The following RPH3A variants were observed in gnomAD, a reference collection of about 807,000 sequenced individuals.
The protein encoded by RPH3A is rabphilin 3A.
Under a neutral mutation model 102.2 loss-of-function variants are expected in RPH3A, and 48 were observed. The ratio of observed to expected loss-of-function variants is 0.47; its 90% confidence interval spans 0.37 to 0.60. RPH3A has a LOEUF of 0.60. Among genes scored for constraint, RPH3A ranks in the 20% least tolerant of loss-of-function variants. The probability of loss-of-function intolerance (pLI) is 0.00; values close to 1 mark genes in which losing one functional copy is unlikely to be tolerated. For missense variants in RPH3A, 781 were observed against 910.1 expected, an observed-to-expected ratio of 0.86 and a Z score of 1.83; for synonymous variants, 310 against 324.3, an observed-to-expected ratio of 0.96 and a Z score of 0.47.
intron 5 of RPH3A, among the ~76,000 whole-genome samples, chr12:112,851,812 T>TAA (rs1206648532): frequency 6.6e-6 from 1 of 152,182 alleles, no homozygotes; most frequent in Admixed American, 6.5e-5. Context: ...ATTTCTTATA[T>TAA]AAGTGCCAAG....
chr12:112,634,023 C>G (rs551239949), intron 1 of RPH3A, among the ~76,000 whole-genome samples: 15 of 152,274 alleles, frequency 9.9e-5, no homozygotes, highest in Middle Eastern at 3.4e-3. Context: ...TCAGGGGTGA[C>G]AGTGATGCTC....
intron 2 of RPH3A, among the ~76,000 whole-genome samples, chr12:112,810,785 T>C (rs538804176): frequency 1.2e-4 from 19 of 152,196 alleles, no homozygotes; most frequent in South Asian, 2.1e-4. Context: ...ACAGCCTAAA[T>C]TACTAACATC....
chr12:112,606,879 C>A (rs1156518882), intron 1 of RPH3A, among the ~76,000 whole-genome samples: 1 of 152,198 alleles, frequency 6.6e-6, no homozygotes, highest in East Asian at 1.9e-4. Context: ...CAGGCCCCTC[C>A]TCCAATGTTG....
chr12:112,885,594 A>C (rs1055524775), intron 16 of RPH3A, among the ~76,000 whole-genome samples: 2 of 152,156 alleles, frequency 1.3e-5, no homozygotes, highest in African/African-American at 4.8e-5. Flanking sequence ...ATATATTTCT[A>C]ATTTTTTGAG....
In RPH3A at chr12:112,712,913, TTCTTCTTCTTCC is replaced by T. The variant is rs1324704450; in HGVS notation, c.-139-79218_-139-79207del. Among the ~76,000 whole-genome samples the T allele has an allele frequency of 5.9e-3, 641 of 107,790 alleles. 24 individuals carry two copies. The highest frequency in any genetic ancestry group is 0.022 in the African/African-American group (563 of 25,268). The allele number at this position is 107,790 out of a possible 152,430, so 70.7% of individuals were successfully genotyped here. A position where few individuals can be genotyped will look rare whatever the true frequency, so the allele number is the denominator to read the frequency against. ...CTTCTTCTTCTTCTTCCTCTTCTTC[TTCTTCTTCTTCC>T]TCTTCTTCTTCTTCTTCTTCTTCTT... On this transcript the variant is annotated intron_variant, in intron 1 of 21. Coordinates refer to the RPH3A transcript ENST00000543106.
chr12:112,790,583 T>A (rs535770304), upstream of RPH3A, among the ~76,000 whole-genome samples: 1 of 152,342 alleles, frequency 6.6e-6, no homozygotes, highest in South Asian at 2.1e-4. Flanking sequence ...CTTTTTCCAA[T>A]TTGAGCCCTT....
At chr12:112,825,680 C>T (rs1445973314) in intron 2 of RPH3A, among the ~76,000 whole-genome samples, 1 of 152,076 alleles carries the variant, frequency 6.6e-6, no homozygotes, top group Non-Finnish European at 1.5e-5. Context: ...ACCTTCTAGG[C>T]GCCAGACTCT....
intron 1 of RPH3A, among the ~76,000 whole-genome samples, chr12:112,709,017 A>C (rs1442098237): frequency 6.6e-6 from 1 of 152,142 alleles, no homozygotes; most frequent in East Asian, 1.9e-4. Flanking sequence ...TCTGTCAAAA[A>C]ATTTTCTCTA....
intron 17 of RPH3A, 152 bp downstream of exon 17, chr12:112,888,075 C>T (rs1353038948): frequency 2.5e-6 from 2 of 803,400 alleles, no homozygotes; most frequent in Non-Finnish European, 3.9e-6. Context: ...GATTCCAGCT[C>T]ACAACCTCAG....
At chr12:112,867,522 G>A (rs2042631799) in intron 7 of RPH3A, among the ~76,000 whole-genome samples, 1 of 152,200 alleles carries the variant, frequency 6.6e-6, no homozygotes, top group Non-Finnish European at 1.5e-5. Context: ...TGATGAAGGT[G>A]TTATTGACAA....
Position 112,865,402 on chromosome 12 carries a change from C to A in RPH3A, c.231-12C>A, listed in dbSNP as rs1257896551. 1 of 1,613,206 alleles carries A rather than the reference C, an allele frequency of 6.2e-7. No individual in the cohort carries two copies. The highest frequency in any genetic ancestry group is 1.3e-5 in the African/African-American group (1 of 75,028). ...CCTACAAGGTCCTTATTTACCTTGT[C>A]TCTGCTTCCAGACGCCTGGTGGACC... On this transcript the variant is annotated splice_polypyrimidine_tract_variant and intron_variant, in intron 5 of 21. Coordinates refer to ENST00000389385, the MANE Select transcript of RPH3A (RefSeq NM_001143854.2).
chr12:112,722,097 C>A (rs538563224), intron 1 of RPH3A, among the ~76,000 whole-genome samples: 2 of 152,212 alleles, frequency 1.3e-5, no homozygotes, highest in Non-Finnish European at 2.9e-5. Flanking sequence ...CACTCCTCCT[C>A]ATTTACAGAG....
At chr12:112,712,607 G>T (rs533788657) in intron 1 of RPH3A, among the ~76,000 whole-genome samples, 58 of 151,950 alleles carry the variant, frequency 3.8e-4, no homozygotes, top group Non-Finnish European at 5.3e-4. Flanking sequence ...CTCATGCCCC[G>T]ACCAGAGGTA....
At chr12:112,793,374 T>C (rs929955727) in intron 2 of RPH3A, among the ~76,000 whole-genome samples, 4 of 152,226 alleles carry the variant, frequency 2.6e-5, no homozygotes, top group African/African-American at 9.6e-5. Context: ...CCCAAGGATT[T>C]CCTTTTTAGA....
intron 1 of RPH3A, among the ~76,000 whole-genome samples, chr12:112,632,002 C>T (rs2039810129): frequency 6.6e-6 from 1 of 152,190 alleles, no homozygotes; most frequent in African/African-American, 2.4e-5. Context: ...ACAATTTCCA[C>T]ATGTCATGGG....
At chr12:112,843,383 T>A (rs1228562044) in intron 4 of RPH3A, among the ~76,000 whole-genome samples, 2 of 152,102 alleles carry the variant, frequency 1.3e-5, no homozygotes, top group Non-Finnish European at 2.9e-5. Flanking sequence ...GTTTGTCAAC[T>A]ATGTGTTCTG....
chr12:112,747,593 G>T (rs116081243), intron 1 of RPH3A, among the ~76,000 whole-genome samples: 1,582 of 152,184 alleles, frequency 0.01, 31 homozygotes, highest in African/African-American at 0.036. Context: ...CAAGTGCTCG[G>T]TCAATATTTG....
chr12:112,671,261 CAGTG>C (rs1369079082), intron 1 of RPH3A, among the ~76,000 whole-genome samples: 2 of 152,172 alleles, frequency 1.3e-5, no homozygotes, highest in East Asian at 3.9e-4. Flanking sequence ...ATTTCTTTCT[CAGTG>C]AGAGTCTTGG....
intron 2 of RPH3A, among the ~76,000 whole-genome samples, chr12:112,822,537 G>A (rs1277356829): frequency 6.6e-6 from 1 of 152,190 alleles, no homozygotes; most frequent in African/African-American, 2.4e-5. Context: ...GGAGAAGCAG[G>A]CAGAACCAAT....
Sources: allele counts gnomAD v4.1 joint callset (sites outside exome capture counted in the v4.1 genomes callset), GRCh38; gene constraint gnomAD v4.1.1; transcripts MANE v1.5; gene names NCBI Gene and HGNC (gene_info 2026-07-23, HGNC 2026-07-21).